Variants in DAB1 observed in about 807,000 individuals in gnomAD.
The protein encoded by DAB1 is disabled homolog 1.
In DAB1, 15 loss-of-function variants were observed where a neutral mutation model predicts 64.6. That is an observed-to-expected ratio of 0.23 (90% CI 0.16 to 0.36). The LOEUF (loss-of-function observed/expected upper bound fraction) is 0.36, where lower values mean the gene tolerates loss of function less well. Among genes scored for constraint, DAB1 ranks in the 10% least tolerant of loss-of-function variants. DAB1 has a pLI of 1.00. For missense variants in DAB1, 596 were observed against 706.7 expected, an observed-to-expected ratio of 0.84 and a Z score of 1.78; for synonymous variants, 235 against 251.9, an observed-to-expected ratio of 0.93 and a Z score of 0.64.
At chr1:57,049,970 T>C (rs1046583554) in intron 9 of DAB1, among the ~76,000 whole-genome samples, 1 of 152,172 alleles carries the variant, frequency 6.6e-6, no homozygotes, top group African/African-American at 2.4e-5. Context: ...AGGCAGCCCC[T>C]TTCTCTGTCC....
chr1:58,027,824 T>A (rs1646916140), intron 5 of DAB1, among the ~76,000 whole-genome samples: 2 of 152,170 alleles, frequency 1.3e-5, no homozygotes. Flanking sequence ...TTAAATAGGT[T>A]TTCCAGAATT....
At chr1:57,230,607 T>G (rs1667603109) in intron 2 of DAB1, among the ~76,000 whole-genome samples, 1 of 152,104 alleles carries the variant, frequency 6.6e-6, no homozygotes, top group African/African-American at 2.4e-5. Flanking sequence ...TGTCACAACT[T>G]TGTGATTTTC....
intron 6 of DAB1, among the ~76,000 whole-genome samples, chr1:57,650,326 T>G (rs1646241884): frequency 1.3e-5 from 2 of 149,928 alleles, no homozygotes; most frequent in Admixed American, 1.3e-4. Flanking sequence ...CATTTTTTTA[T>G]AGAGACAAGA....
chr1:57,949,492 T>G (rs1161540463), intron 5 of DAB1, among the ~76,000 whole-genome samples: 1 of 150,828 alleles, frequency 6.6e-6, no homozygotes, highest in Non-Finnish European at 1.5e-5. Context: ...TCTATCTATC[T>G]ATCTATCTAT....
intron 3 of DAB1, chr1:58,473,677 G>A (rs1400402638): frequency 9.6e-6 from 3 of 311,194 alleles, no homozygotes; most frequent in African/African-American, 2.2e-5. Context: ...TTTGTAAGAG[G>A]TCTCAATAAT....
chr1:57,575,467 A>G (rs565510922), intron 7 of DAB1, among the ~76,000 whole-genome samples: 27 of 152,344 alleles, frequency 1.8e-4, no homozygotes, highest in African/African-American at 5.8e-4. Flanking sequence ...TTGGTCCCAC[A>G]TCGAAAAGTT....
intron 3 of DAB1, among the ~76,000 whole-genome samples, chr1:58,424,078 C>T (rs1032309471): frequency 2.0e-5 from 3 of 152,142 alleles, no homozygotes; most frequent in Non-Finnish European, 4.4e-5. Context: ...GGTCTTCTGT[C>T]TCAGCAGAGA....
At chr1:57,360,935 G>A (rs1047087714) in intron 1 of DAB1, among the ~76,000 whole-genome samples, 8 of 151,856 alleles carry the variant, frequency 5.3e-5, no homozygotes, top group Admixed American at 1.3e-4. Flanking sequence ...TTTATATGTC[G>A]CCTATTATGT....
intron 3 of DAB1, among the ~76,000 whole-genome samples, chr1:58,357,409 A>G (rs1476222687): frequency 6.6e-6 from 1 of 152,174 alleles, no homozygotes; most frequent in East Asian, 1.9e-4. Context: ...TCTGCACAAC[A>G]GGAAAAATAA....
chr1:57,375,118 A>C (rs1680795223), intron 1 of DAB1, among the ~76,000 whole-genome samples: 1 of 152,158 alleles, frequency 6.6e-6, no homozygotes, highest in Admixed American at 6.5e-5. Flanking sequence ...ATGGAGACAA[A>C]GGAACTCCCA....
intron 6 of DAB1, among the ~76,000 whole-genome samples, chr1:57,797,643 C>T (rs2101867952): frequency 6.6e-6 from 1 of 152,300 alleles, no homozygotes; most frequent in South Asian, 2.1e-4. Flanking sequence ...GTAATCATTC[C>T]TTACACGTAT....
intron 14 of DAB1, among the ~76,000 whole-genome samples, chr1:57,006,993 T>C (rs1646094356): frequency 6.6e-6 from 1 of 152,102 alleles, no homozygotes; most frequent in Admixed American, 6.6e-5. Flanking sequence ...TTCCTTTCTT[T>C]CCTTTTCTTC....
chr1:58,484,900 G>A (rs573717378), intron 3 of DAB1, among the ~76,000 whole-genome samples: 2 of 152,060 alleles, frequency 1.3e-5, no homozygotes, highest in Non-Finnish European at 2.9e-5. Context: ...CAGGGGCTAG[G>A]GGGAGGGAGG....
intron 7 of DAB1, among the ~76,000 whole-genome samples, chr1:57,634,537 A>G (rs376650913): frequency 6.6e-6 from 1 of 152,252 alleles, no homozygotes; most frequent in African/African-American, 2.4e-5. Flanking sequence ...CCTAACCTTT[A>G]TAAGTACTAG....
intron 5 of DAB1, among the ~76,000 whole-genome samples, chr1:58,134,456 A>G (rs1367599703): frequency 1.3e-5 from 2 of 152,070 alleles, no homozygotes; most frequent in Admixed American, 1.3e-4. Context: ...CAACATACAA[A>G]TTGTATTAGT....
chr1:57,818,181 T>A (rs1569773300), intron 6 of DAB1, among the ~76,000 whole-genome samples: 1 of 152,168 alleles, frequency 6.6e-6, no homozygotes, highest in African/African-American at 2.4e-5. Flanking sequence ...TGATGGTCAG[T>A]ACATGTCAAG....
At chr1:57,023,178 C>T (rs1364432350) in intron 11 of DAB1, among the ~76,000 whole-genome samples, 1 of 152,192 alleles carries the variant, frequency 6.6e-6, no homozygotes, top group Non-Finnish European at 1.5e-5. Flanking sequence ...AAGCTGACTC[C>T]GTGTCCTCCC....
At chr1:57,924,872 AACAAAGT>A (rs1472746306) in intron 5 of DAB1, among the ~76,000 whole-genome samples, 1 of 152,110 alleles carries the variant, frequency 6.6e-6, no homozygotes, top group Non-Finnish European at 1.5e-5. Flanking sequence ...AAAAAAAGTT[AACAAAGT>A]ACATATACAG....
intron 4 of DAB1, among the ~76,000 whole-genome samples, chr1:58,151,767 C>A (rs1261170737): frequency 6.6e-6 from 1 of 152,138 alleles, no homozygotes; most frequent in African/African-American, 2.4e-5. Context: ...TAATTTGCAG[C>A]CCCTTTCCCT....
Sources: gnomAD v4.1 joint callset for allele counts (sites outside exome capture counted in the v4.1 genomes callset) on GRCh38, gnomAD v4.1.1 for gene constraint, MANE v1.5 for transcripts, NCBI Gene and HGNC (gene_info 2026-07-23, HGNC 2026-07-21) for gene names.